Variants in ATG16L1 observed in about 807,000 individuals in gnomAD.
ATG16L1 encodes the protein autophagy-related protein 16-1.
ATG16L1 carries 37 observed loss-of-function variants against 88.5 expected under a neutral mutation model. The observed-to-expected ratio is 0.42, with a 90% CI of 0.32 to 0.55. The LOEUF is 0.55. ATG16L1 is among the 20% of genes least tolerant of loss of function. The pLI, the probability that ATG16L1 is intolerant of heterozygous loss-of-function variation, is 0.13. For synonymous variants in ATG16L1, 301 were observed against 281.0 expected (o/e 1.07, Z -0.71); for missense variants, 554 against 752.8 (o/e 0.74, Z 3.09).
At chr2:233,267,576 C>T (rs371482284) in intron 5 of ATG16L1, among the ~76,000 whole-genome samples, 6 of 152,016 alleles carry the variant, frequency 3.9e-5, no homozygotes, top group African/African-American at 9.7e-5. Context: ...TCTAATTTTC[C>T]GGTTTCTATT....
intron 4 of ATG16L1, among the ~76,000 whole-genome samples, 189 bp from the exon 5 acceptor site, chr2:233,264,703 A>G (rs1340933440): frequency 6.6e-6 from 1 of 152,098 alleles, no homozygotes; most frequent in Non-Finnish European, 1.5e-5. Flanking sequence ...TGTTTTTCCT[A>G]GTCATTAATA....
rs955706018 is a variant in ATG16L1 at position 233,289,825 on chromosome 2, GC to G, written c.1204-28del. ...CATAGGCAGGGCCTGGCGCCCTGAG[GC>G]TCACCCTGGCTGTGTTCTCTCTCCT... On this transcript the variant is annotated intron_variant, in intron 12 of 17. Transcript: ENST00000392017. The G allele has an allele frequency of 5.0e-6, 8 of 1,606,404 alleles. No individual in the cohort carries two copies. In the African/African-American group the frequency reaches 1.1e-4, roughly 21 times the overall value.
intron 10 of ATG16L1, among the ~76,000 whole-genome samples, chr2:233,280,153 C>T (rs1217267039): frequency 2.0e-5 from 3 of 152,134 alleles, no homozygotes; most frequent in Non-Finnish European, 4.4e-5. Context: ...AACCAGTATT[C>T]GTGTCACCTT....
chr2:233,276,338 C>T (rs760819631), intron 9 of ATG16L1, among the ~76,000 whole-genome samples: 14 of 152,126 alleles, frequency 9.2e-5, no homozygotes, highest in Admixed American at 4.6e-4. Context: ...AATTTCCAAA[C>T]ATACGCAGTA....
At chr2:233,256,511 A>C (rs6758145) in intron 2 of ATG16L1, among the ~76,000 whole-genome samples, 1 of 151,926 alleles carries the variant, frequency 6.6e-6, no homozygotes, top group East Asian at 1.9e-4. Flanking sequence ...GTTTTTAAAT[A>C]ATCACAGACA....
intron 12 of ATG16L1, among the ~76,000 whole-genome samples, chr2:233,287,983 A>T (rs1013783238): frequency 6.6e-6 from 1 of 152,204 alleles, no homozygotes; most frequent in African/African-American, 2.4e-5. Flanking sequence ...ATCATTATTC[A>T]TGGACTGTAT....
chr2:233,277,708 T>C, intron 10 of ATG16L1, 35 bp downstream of exon 10: 1 of 1,571,390 alleles, frequency 6.4e-7, no homozygotes, highest in Non-Finnish European at 8.8e-7. Flanking sequence ...GACTGAAAAC[T>C]TGAGATGATG....
intron 8 of ATG16L1, 28 bp from the exon 9 acceptor site, chr2:233,274,648 T>A (rs763765695): frequency 6.4e-7 from 1 of 1,555,166 alleles, no homozygotes; most frequent in South Asian, 1.1e-5. Flanking sequence ...CAATCCTGTC[T>A]AATATTTGTC....
chr2:233,286,621 CTTT>C (rs10676895), intron 12 of ATG16L1, among the ~76,000 whole-genome samples: 4 of 93,292 alleles, frequency 4.3e-5, no homozygotes, highest in East Asian at 5.7e-4. Flanking sequence ...GAAGCCCAAA[CTTT>C]TTTTTTTTTT....
At chr2:233,269,964 A>T (rs754573494) in intron 5 of ATG16L1, 38 bp from the exon 6 acceptor site, 1 of 1,563,950 alleles carries the variant, frequency 6.4e-7, no homozygotes, top group Non-Finnish European at 8.6e-7. Context: ...TCTTAAGCAG[A>T]CATAAATGGT....
intron 11 of ATG16L1, among the ~76,000 whole-genome samples, chr2:233,282,040 A>G (rs1157676657): frequency 1.3e-5 from 2 of 152,218 alleles, no homozygotes; most frequent in African/African-American, 2.4e-5. Context: ...TTGGGGAATG[A>G]TAAGGAAATA....
At chr2:233,277,383 TAGA>T (rs1479013750) in intron 9 of ATG16L1, 182 bp from the exon 10 acceptor site, 1 of 543,016 alleles carries the variant, frequency 1.8e-6, no homozygotes, top group Non-Finnish European at 3.3e-6. Flanking sequence ...CAACTGTAAC[TAGA>T]AGAATAAAAT....
intron 16 of ATG16L1, 129 bp downstream of exon 16, chr2:233,292,563 A>G: frequency 8.9e-7 from 1 of 1,125,822 alleles, no homozygotes. Flanking sequence ...TGTGCCTGTA[A>G]GTTCATAATT....
chr2:233,274,031 G>T, intron 8 of ATG16L1: 1 of 1,550,572 alleles, frequency 6.4e-7, no homozygotes, highest in Non-Finnish European at 8.7e-7. Context: ...TTCTTCTTCT[G>T]ATGCTGCCAG....
intron 6 of ATG16L1, 43 bp from the exon 7 acceptor site, chr2:233,272,923 A>C (rs759843829): frequency 6.5e-7 from 1 of 1,549,116 alleles, no homozygotes. Flanking sequence ...TTAATCACAG[A>C]ACTGTTCAGG....
intron 2 of ATG16L1, among the ~76,000 whole-genome samples, chr2:233,258,176 T>A (rs1696951551): frequency 6.6e-6 from 1 of 152,224 alleles, no homozygotes; most frequent in Admixed American, 6.5e-5. Context: ...TCCTCTTCTG[T>A]AATATTCATT....
chr2:233,263,921 C>A, intron 3 of ATG16L1, 71 bp from the exon 4 acceptor site: 2 of 1,456,560 alleles, frequency 1.4e-6, no homozygotes, highest in Admixed American at 3.5e-5. Flanking sequence ...AATAAATCGC[C>A]ACCCACTGTG....
At chr2:233,275,525 G>A (rs767609684) in intron 9 of ATG16L1, 22 of 351,710 alleles carry the variant, frequency 6.3e-5, no homozygotes, top group Admixed American at 1.5e-4. Flanking sequence ...AAATGGGATG[G>A]AATTTATATG....
intron 14 of ATG16L1, among the ~76,000 whole-genome samples, chr2:233,291,594 G>A (rs1300130760): frequency 1.3e-5 from 2 of 152,170 alleles, no homozygotes; most frequent in Non-Finnish European, 2.9e-5. Context: ...TAGCCACCCT[G>A]GACATGGGCC....
Sources: allele counts gnomAD v4.1 joint callset (sites outside exome capture counted in the v4.1 genomes callset), GRCh38; gene constraint gnomAD v4.1.1; transcripts MANE v1.5; gene names NCBI Gene and HGNC (gene_info 2026-07-23, HGNC 2026-07-21).